CSNK1E: variants seen among roughly 807,000 people sequenced by gnomAD.
The protein encoded by CSNK1E is casein kinase 1 epsilon, also known as casein kinase I isoform epsilon.
CSNK1E carries 17 observed loss-of-function variants against 46.1 expected under a neutral mutation model. That is an observed-to-expected ratio of 0.37 (90% CI 0.25 to 0.55). The LOEUF (loss-of-function observed/expected upper bound fraction) is 0.55, where lower values mean the gene tolerates loss of function less well. CSNK1E is among the 20% of genes least tolerant of loss of function. The probability of loss-of-function intolerance (pLI) is 0.82; values close to 1 mark genes in which losing one functional copy is unlikely to be tolerated. For missense variants in CSNK1E, 386 were observed against 595.4 expected (o/e 0.65, Z 3.66); for synonymous variants, 241 against 242.6 (o/e 0.99, Z 0.06).
Position 38,300,981 on chromosome 22 carries a change from C to A in CSNK1E, c.337-29G>T. Reference sequence around the variant, plus strand: ...GGGAGGAGGGGGGCCATTTGTTCAACAGAGGGGCCCTTGCCTAGCACTCTG... The same window carrying A: ...GGGAGGAGGGGGGCCATTTGTTCAAAAGAGGGGCCCTTGCCTAGCACTCTG... On this transcript the variant is annotated intron_variant, in intron 4 of 10. Coordinates refer to ENST00000396832, the MANE Select transcript of CSNK1E (RefSeq NM_152221.3). This position sits in a 1 kb window ranked among gnomAD's most constrained non-coding sequence, Gnocchi z 4.4. 6.3e-7 allele frequency: 1 copy of A among 1,594,256 alleles called. No individual in the cohort carries two copies. Among genetic ancestry groups the A allele is most frequent in the Non-Finnish European group, 8.6e-7 (1 of 1,162,354 alleles).
chr22:38,300,737 C>G lies in CSNK1E; in HGVS notation c.552G>C (p.Thr184=), dbSNP rs763431493. Residue 184 remains threonine (T), a synonymous_variant, in exon 5 of 11, where the codon ACG becomes ACC. Transcript: ENST00000396832. The surrounding 1 kb of genome is among the most constrained non-coding windows in gnomAD (Gnocchi z 4.4). ...TGGCTCCCTCACCAATGCCCAGGTGCGTGTTGATGGAAGCGTAGCGGGCCG... is the reference window on the plus strand; with the variant it reads ...TGGCTCCCTCACCAATGCCCAGGTGGGTGTTGATGGAAGCGTAGCGGGCCG... The part of the protein sequence containing the change: ...TGTARYASIN[T]HLGIEQSRRD... 1 of 1,614,098 alleles carries G rather than the reference C, an allele frequency of 6.2e-7. No individual in the cohort carries two copies. The highest frequency in any genetic ancestry group is 8.5e-7 in the Non-Finnish European group (1 of 1,179,970).
At chr22:38,313,021 G>T (rs759040905) in intron 2 of CSNK1E, among the ~76,000 whole-genome samples, 1 of 152,174 alleles carries the variant, frequency 6.6e-6, no homozygotes, top group Non-Finnish European at 1.5e-5. Context: ...TATCTCTAGG[G>T]GCTGCAGAAA....
Position 38,313,342 on chromosome 22 carries a change from C to A in CSNK1E, c.76+740G>T, listed in dbSNP as rs146987450. Among the ~76,000 whole-genome samples, 232 of 152,346 alleles carry A rather than the reference C, an allele frequency of 1.5e-3. 1 individual carries two copies. Among genetic ancestry groups the A allele is most frequent in the Non-Finnish European group, 3.0e-3 (202 of 68,038 alleles). On this transcript the variant is annotated intron_variant, in intron 2 of 10. Transcript: ENST00000396832. ...TCCAGCAACTTCAAGCCTCCACCCGCTAATCCACAAGCACCAACACTAAAT... is the reference window on the plus strand; with the variant it reads ...TCCAGCAACTTCAAGCCTCCACCCGATAATCCACAAGCACCAACACTAAAT...
At chr22:38,296,814 G>A (rs1415759023) in intron 7 of CSNK1E, 2 of 1,197,340 alleles carry the variant, frequency 1.7e-6, no homozygotes, top group Non-Finnish European at 1.2e-6. Flanking sequence ...GCCGGATGTG[G>A]TGGCCACTGG....
chr22:38,297,850 C>T (rs2092648990), intron 7 of CSNK1E: 1 of 1,016,208 alleles, frequency 9.8e-7, no homozygotes, highest in Non-Finnish European at 1.2e-6. Flanking sequence ...TTCCTCAGGC[C>T]TGGCCCCGAT....
intron 2 of CSNK1E, among the ~76,000 whole-genome samples, chr22:38,310,133 C>A (rs1212927048): frequency 6.6e-6 from 1 of 152,190 alleles, no homozygotes; most frequent in Non-Finnish European, 1.5e-5. Flanking sequence ...CCAGGTGAGG[C>A]TTCCTGGCAG....
intron 2 of CSNK1E, among the ~76,000 whole-genome samples, chr22:38,311,674 G>A (rs2092721545): frequency 6.6e-6 from 1 of 152,148 alleles, no homozygotes; most frequent in Admixed American, 6.5e-5. Context: ...AAGGAGCTGG[G>A]TACACTCATT....
At chr22:38,293,934 GCT>G in intron 9 of CSNK1E, 173 bp downstream of exon 9, 1 of 718,876 alleles carries the variant, frequency 1.4e-6, no homozygotes, top group Middle Eastern at 4.0e-4. Context: ...GCTCAAGAGG[GCT>G]CATCAGACCT....
chr22:38,299,271 A>G (rs2092658155), intron 6 of CSNK1E, among the ~76,000 whole-genome samples: 1 of 152,214 alleles, frequency 6.6e-6, no homozygotes, highest in South Asian at 2.1e-4. Flanking sequence ...AATCGTTGCC[A>G]TAAATTCAAA....
At chr22:38,302,426 G>C (rs1246319202) in intron 4 of CSNK1E, among the ~76,000 whole-genome samples, 1 of 152,120 alleles carries the variant, frequency 6.6e-6, no homozygotes, top group Non-Finnish European at 1.5e-5. Context: ...GGCAGGTCTG[G>C]AGTTGGGCCT....
intron 2 of CSNK1E, among the ~76,000 whole-genome samples, chr22:38,307,598 C>A (rs1050454653): frequency 3.3e-5 from 5 of 152,208 alleles, no homozygotes; most frequent in African/African-American, 1.2e-4. Context: ...TATACAAATA[C>A]TACAGCTTTT....
At chr22:38,316,112 G>C (rs775197711) in intron 1 of CSNK1E, among the ~76,000 whole-genome samples, 22 of 151,216 alleles carry the variant, frequency 1.5e-4, no homozygotes, top group Non-Finnish European at 1.8e-4. Context: ...GGGAGGGGGG[G>C]AGATAAACAA....
rs1555907769 is a variant in CSNK1E, at chr22:38,299,991, G to A, written c.640C>T (p.Gln214Ter). The A allele has an allele frequency of 6.2e-7, 1 of 1,614,184 alleles. No individual in the cohort carries two copies. Among genetic ancestry groups the A allele is most frequent in the Non-Finnish European group, 8.5e-7 (1 of 1,180,030 alleles). ...MYFNLGSLPWQGLKAATKRQK... is the reference protein window; with the variant it reads ...MYFNLGSLPW ...CGCTTGGTGGCTGCTTTGAGCCCCT[G>A]CCAGGGCAGGGAGCCCAGGTTGAAG... Residue 214 changes from glutamine to a stop codon, truncating the protein, a stop_gained, in exon 6 of 11, where the codon CAG becomes TAG. Coordinates refer to ENST00000396832, the MANE Select transcript of CSNK1E (RefSeq NM_152221.3). LOFTEE classifies it high-confidence loss of function.
rs774180930 is a variant in CSNK1E at position 38,295,479 on chromosome 22, G to C, written c.886-945C>G. The C allele has an allele frequency of 1.3e-4, 99 of 755,168 alleles. 1 individual carries two copies. Among genetic ancestry groups the C allele is most frequent in the Non-Finnish European group, 1.6e-4 (96 of 619,046 alleles). 46.8% of individuals were successfully genotyped at this position (755,168 alleles called of 1,614,324 possible). A position where few individuals can be genotyped will look rare whatever the true frequency, so the allele number is the denominator to read the frequency against. The stretch of plus-strand genomic sequence containing the variant: ...AGGAGAGAGCTCTGGGCTGAGTTGG[G>C]GGCCTGCTCATGGGCACAGGGTGTG... On this transcript the variant is annotated intron_variant, in intron 7 of 10. Coordinates refer to ENST00000396832, the MANE Select transcript of CSNK1E (RefSeq NM_152221.3).
At chr22:38,311,669 G>A (rs1602562181) in intron 2 of CSNK1E, among the ~76,000 whole-genome samples, 1 of 152,174 alleles carries the variant, frequency 6.6e-6, no homozygotes, top group East Asian at 1.9e-4. Flanking sequence ...ACAGTAAGGA[G>A]CTGGGTACAC....
Position 38,294,666 on chromosome 22 carries a change from G to T in CSNK1E, c.886-132C>A. On this transcript the variant is annotated intron_variant, in intron 7 of 10. Transcript: ENST00000396832. The surrounding 1 kb of genome is among the most constrained non-coding windows in gnomAD (Gnocchi z 5.5). ...AGAAACCTTCTGCTCCAGCCTCCCTGACAAGCGCGGGAAGCCAAGACCCAC... is the reference window on the plus strand; with the variant it reads ...AGAAACCTTCTGCTCCAGCCTCCCTTACAAGCGCGGGAAGCCAAGACCCAC... The T allele has an allele frequency of 1.2e-6, 1 of 847,636 alleles. No individual in the cohort carries two copies. The highest frequency in any genetic ancestry group is 1.8e-6 in the Non-Finnish European group (1 of 566,500). The allele number at this position is 847,636 out of a possible 1,614,324, so 52.5% of individuals were successfully genotyped here.
rs1336381151 is a variant in CSNK1E, at chr22:38,300,094, G to A, written c.566-29C>T. 6.2e-7 allele frequency: 1 copy of A among 1,606,392 alleles called. No homozygotes were observed. The highest frequency in any genetic ancestry group is 1.1e-5 in the South Asian group (1 of 90,790). On this transcript the variant is annotated intron_variant, in intron 5 of 10. Coordinates refer to ENST00000396832, the MANE Select transcript of CSNK1E (RefSeq NM_152221.3). This position sits in a 1 kb window ranked among gnomAD's most constrained non-coding sequence, Gnocchi z 4.4. ...CACAGAGAGTCAAAGACTAGGTGAG[G>A]GACAGGGGTCCACTCAGGCCCCTAA...
At chr22:38,304,621 G>T (rs117915943) in intron 2 of CSNK1E, among the ~76,000 whole-genome samples, 1 of 152,124 alleles carries the variant, frequency 6.6e-6, no homozygotes, top group Non-Finnish European at 1.5e-5. Flanking sequence ...AATCCCAGGC[G>T]GCAGTGAAGA....
rs2092664708 is a variant in CSNK1E, at chr22:38,300,392, T to C, written c.566-327A>G. On this transcript the variant is annotated intron_variant, in intron 5 of 10. Transcript: ENST00000396832. This position sits in a 1 kb window ranked among gnomAD's most constrained non-coding sequence, Gnocchi z 4.4. ...GCTTCAGCATCAGACAGGGCCGGGG[T>C]CAAGTCCAGCTTTGGCATTAGCTAA... 6.6e-6 allele frequency among the ~76,000 whole-genome samples: 1 copy of C among 151,774 alleles called. No homozygotes were observed. Among genetic ancestry groups the C allele is most frequent in the Non-Finnish European group, 1.5e-5 (1 of 67,926 alleles).
Sources: allele counts gnomAD v4.1 joint callset (sites outside exome capture counted in the v4.1 genomes callset), GRCh38; gene constraint gnomAD v4.1.1; non-coding constraint Gnocchi (gnomAD v3.1); transcripts MANE v1.5; gene names NCBI Gene and HGNC (gene_info 2026-07-23, HGNC 2026-07-21).